The following PDE1C variants were observed in gnomAD, a reference collection of about 807,000 sequenced individuals.
PDE1C encodes dual specificity calcium/calmodulin-dependent 3',5'-cyclic nucleotide phosphodiesterase 1C.
A neutral mutation model predicts 93.1 loss-of-function variants in PDE1C; 62 were observed. The observed-to-expected ratio is 0.67, with a 90% CI of 0.54 to 0.82. The LOEUF (loss-of-function observed/expected upper bound fraction) is 0.82, where lower values mean the gene tolerates loss of function less well. Among genes scored for constraint, PDE1C ranks in the 40% least tolerant of loss-of-function variants. The pLI is 0.00. For synonymous variants in PDE1C, 325 were observed against 310.1 expected, an observed-to-expected ratio of 1.05 and a Z score of -0.50; for missense variants, 742 against 884.6, an observed-to-expected ratio of 0.84 and a Z score of 2.04.
the PDE1C span, chr7:31,651,989 T>A: frequency 2.5e-6 from 4 of 1,606,032 alleles, no homozygotes; most frequent in Non-Finnish European, 3.4e-6. Flanking sequence ...AGGCAGCAGG[T>A]GGCAGAGTTG....
the PDE1C span, among the ~76,000 whole-genome samples, chr7:31,627,761 T>C: frequency 6.6e-6 from 1 of 152,014 alleles, no homozygotes; most frequent in Admixed American, 6.6e-5. Context: ...TGCACATCTT[T>C]CTTTTAAGCT....
intron 1 of PDE1C, among the ~76,000 whole-genome samples, chr7:32,259,286 A>T (rs58894937): frequency 0.12 from 17,741 of 152,146 alleles, 1,106 homozygotes; most frequent in East Asian, 0.15. Context: ...AAGGCTTTCT[A>T]TCTCTAGCTT....
At chr7:31,684,619 A>G in the PDE1C span, among the ~76,000 whole-genome samples, 2 of 152,226 alleles carry the variant, frequency 1.3e-5, no homozygotes, top group Non-Finnish European at 2.9e-5. Flanking sequence ...ATGAAGTAAC[A>G]TTTCACCAGA....
intron 1 of PDE1C, among the ~76,000 whole-genome samples, chr7:32,063,250 G>A (rs939600832): frequency 5.3e-5 from 8 of 152,250 alleles, no homozygotes; most frequent in South Asian, 2.1e-4. Flanking sequence ...GGTTTTTGCC[G>A]CTAAAACTAA....
intron 1 of PDE1C, among the ~76,000 whole-genome samples, chr7:32,374,256 GAAGA>G (rs34264888): frequency 0.11 from 12,298 of 113,126 alleles, 589 homozygotes; most frequent in Middle Eastern, 0.14. Flanking sequence ...GAAAGGAAAG[GAAGA>G]AAGAAAGAAA....
chr7:32,357,191 G>T (rs528075205), intron 1 of PDE1C, among the ~76,000 whole-genome samples: 1 of 152,010 alleles, frequency 6.6e-6, no homozygotes, highest in Non-Finnish European at 1.5e-5. Flanking sequence ...AAAATTAGCC[G>T]GGCATGGTGG....
At chr7:32,370,689 T>C in intron 1 of PDE1C, among the ~76,000 whole-genome samples, 1 of 151,864 alleles carries the variant, frequency 6.6e-6, no homozygotes, top group East Asian at 1.9e-4. Flanking sequence ...CTAATGTAAA[T>C]GACCAGTTAA....
chr7:32,405,536 C>T (rs987374693), intron 1 of PDE1C, among the ~76,000 whole-genome samples: 1 of 152,160 alleles, frequency 6.6e-6, no homozygotes, highest in South Asian at 2.1e-4. Context: ...TGTGAGCCAC[C>T]GTGCCCGGCC....
Position 31,909,281 on chromosome 7 carries a change from C to T in PDE1C, c.129-28421G>A, listed in dbSNP as rs114203710. On this transcript the variant is annotated intron_variant, in intron 2 of 17. Transcript: ENST00000396191. ...CTGGGACTTCCTACAAGCTTTCTAA[C>T]GAAAAACAATTTTAAAAATTACAAG... is the stretch of plus-strand genomic sequence containing the variant. Among the ~76,000 whole-genome samples the T allele has an allele frequency of 2.3e-3, 347 of 152,098 alleles. 3 individuals carry two copies. Among genetic ancestry groups the T allele is most frequent in the African/African-American group, 7.8e-3 (322 of 41,484 alleles).
chr7:32,011,643 T>C (rs541148145), intron 2 of PDE1C, among the ~76,000 whole-genome samples: 3 of 152,232 alleles, frequency 2.0e-5, no homozygotes, highest in Non-Finnish European at 4.4e-5. Flanking sequence ...CTTTTCTCTA[T>C]TAGAATGGCT....
rs1794133759 is a variant in PDE1C at position 31,751,419 on chromosome 7, C to G, written c.*1965G>C. 1 of 152,142 alleles carries G rather than the reference C, an allele frequency of 6.6e-6. No homozygotes were observed. The highest frequency in any genetic ancestry group is 2.4e-5 in the African/African-American group (1 of 41,432). The allele number at this position is 152,142 out of a possible 1,614,324, so 9.4% of individuals were successfully genotyped here. On this transcript the variant is annotated 3_prime_UTR_variant, in exon 18 of 18. Transcript: ENST00000396191. Reference sequence around the variant, plus strand: ...AGAAGCACAGCCAAGAAAACACAGCCTCATTAAATTCTCAATACCTAAGAT... The same window carrying G: ...AGAAGCACAGCCAAGAAAACACAGCGTCATTAAATTCTCAATACCTAAGAT...
intron 2 of PDE1C, among the ~76,000 whole-genome samples, chr7:31,979,720 T>C (rs900441104): frequency 6.6e-6 from 1 of 152,192 alleles, no homozygotes; most frequent in Non-Finnish European, 1.5e-5. Context: ...AAGATCCAAG[T>C]GAATGCTACT....
intron 6 of PDE1C, 36 bp from the exon 7 acceptor site, chr7:31,865,118 T>C (rs750974540): frequency 1.2e-6 from 2 of 1,611,276 alleles, no homozygotes; most frequent in Non-Finnish European, 1.7e-6. Flanking sequence ...AACTAGTGAC[T>C]TCACTGCTTT....
chr7:31,625,411 G>T, the PDE1C span, among the ~76,000 whole-genome samples: 12 of 151,952 alleles, frequency 7.9e-5, no homozygotes, highest in Non-Finnish European at 1.5e-4. Flanking sequence ...AGAAAATGTG[G>T]CACATATACA....
intron 2 of PDE1C, among the ~76,000 whole-genome samples, chr7:32,184,143 AAAC>A (rs1803668983): frequency 6.6e-6 from 1 of 152,186 alleles, no homozygotes; most frequent in Non-Finnish European, 1.5e-5. Flanking sequence ...AAAAGTCAGG[AAAC>A]AACTGGTGCT....
chr7:32,211,723 A>G lies in PDE1C; in HGVS notation c.86-2184T>C, dbSNP rs1308632455. Among the ~76,000 whole-genome samples the G allele has an allele frequency of 2.0e-5, 3 of 152,250 alleles. No individual in the cohort carries two copies. The South Asian group carries it at 6.2e-4, about 32-fold the overall frequency. Reference sequence around the variant, plus strand: ...CCATTTAGACACCGCAAATGTCTGAAGAAAGAAATAGAGCTGGGTGGGGCA... The same window carrying G: ...CCATTTAGACACCGCAAATGTCTGAGGAAAGAAATAGAGCTGGGTGGGGCA... On this transcript the variant is annotated intron_variant, in intron 1 of 18. Coordinates refer to the PDE1C transcript ENST00000396193.
intron 2 of PDE1C, among the ~76,000 whole-genome samples, chr7:32,185,247 G>GAAAAA (rs60570476): frequency 9.8e-6 from 1 of 101,564 alleles, no homozygotes; most frequent in Non-Finnish European, 2.1e-5. Context: ...CTCTGTCTCA[G>GAAAAA]AAAAAAAAAA....
the PDE1C span, among the ~76,000 whole-genome samples, chr7:31,618,555 G>A: frequency 2.6e-5 from 4 of 152,302 alleles, no homozygotes; most frequent in East Asian, 7.7e-4. Context: ...AGGTAGAGAT[G>A]ATGTTAGGAA....
At chr7:31,705,321 A>C in the PDE1C span, among the ~76,000 whole-genome samples, 1 of 152,240 alleles carries the variant, frequency 6.6e-6, no homozygotes, top group East Asian at 1.9e-4. Flanking sequence ...GAATCAACTC[A>C]ATTTTGGCTT....
Sources: allele counts gnomAD v4.1 joint callset (sites outside exome capture counted in the v4.1 genomes callset), GRCh38; gene constraint gnomAD v4.1.1; transcripts MANE v1.5; gene names NCBI Gene and HGNC (gene_info 2026-07-23, HGNC 2026-07-21).